Variants in RASGRF1 observed in about 807,000 individuals in gnomAD.
The protein encoded by RASGRF1 is Ras protein specific guanine nucleotide releasing factor 1.
A neutral mutation model predicts 138.7 loss-of-function variants in RASGRF1; 40 were observed. That is an observed-to-expected ratio of 0.29 (90% confidence interval 0.22 to 0.38). The LOEUF (loss-of-function observed/expected upper bound fraction) is 0.38. RASGRF1 is among the 10% of genes least tolerant of loss of function. The pLI is 1.00. For synonymous variants in RASGRF1, 614 were observed against 663.2 expected (o/e 0.93, Z 1.14); for missense variants, 1,108 against 1,650.4 (o/e 0.67, Z 5.69).
chr15:79,077,812 C>G lies in RASGRF1; in HGVS notation c.276+12411G>C, dbSNP rs549653620. Among the ~76,000 whole-genome samples, 16 of 151,832 alleles carry G rather than the reference C, an allele frequency of 1.1e-4. No homozygotes were observed. The South Asian group carries it at 3.3e-3, about 32-fold the overall frequency. On this transcript the variant is annotated intron_variant, in intron 1 of 26. Transcript: ENST00000558480. ...ACCCACCTGGACCATCAAACAGTCC[C>G]CTCTGATCTCCTTGCCCCCTCCAAT... is the stretch of plus-strand genomic sequence containing the variant.
At chr15:79,001,592 G>T in intron 16 of RASGRF1, 70 bp downstream of exon 16, 1 of 1,533,376 alleles carries the variant, frequency 6.5e-7, no homozygotes, top group South Asian at 1.2e-5. Flanking sequence ...CACTTGCCTT[G>T]ACTCGACTTG....
chr15:79,069,494 G>T (rs561915163), intron 1 of RASGRF1, among the ~76,000 whole-genome samples: 1 of 152,174 alleles, frequency 6.6e-6, no homozygotes, highest in South Asian at 2.1e-4. Context: ...AGCCCTGGGA[G>T]TGAGGAATAT....
chr15:79,055,955 G>A (rs1365229564), intron 3 of RASGRF1, among the ~76,000 whole-genome samples: 1 of 152,178 alleles, frequency 6.6e-6, no homozygotes, highest in Non-Finnish European at 1.5e-5. Flanking sequence ...TCCTTATGGA[G>A]TTCCTGCCAG....
intron 25 of RASGRF1, 99 bp from the exon 26 acceptor site, chr15:78,972,033 C>T (rs2055770973): frequency 9.6e-7 from 1 of 1,043,576 alleles, no homozygotes; most frequent in South Asian, 1.3e-5. Flanking sequence ...AATCTGAAGT[C>T]AGCCTCTTAA....
At chr15:78,963,990 G>A (rs1271457637) in intron 26 of RASGRF1, among the ~76,000 whole-genome samples, 2 of 151,884 alleles carry the variant, frequency 1.3e-5, no homozygotes, top group Admixed American at 1.3e-4. Context: ...GTGAGCATGT[G>A]CAGGATCAAT....
chr15:79,025,494 AC>A lies in RASGRF1; in HGVS notation c.1382-21del, dbSNP rs2057034348. ...GGGAACCTGTGGGTGGAGGAGAGAG[AC>A]CCTGAGCCCATCTCCTGGGGTGACC... On this transcript the variant is annotated intron_variant, in intron 9 of 26. Transcript: ENST00000558480. 1 of 1,602,258 alleles carries A rather than the reference AC, an allele frequency of 6.2e-7. No homozygotes were observed. The highest frequency in any genetic ancestry group is 8.5e-7 in the Non-Finnish European group (1 of 1,173,084).
At chr15:78,983,581 C>A (rs750654743) in intron 23 of RASGRF1, among the ~76,000 whole-genome samples, 2 of 152,220 alleles carry the variant, frequency 1.3e-5, no homozygotes, top group South Asian at 4.1e-4. Context: ...AAGATGATGT[C>A]ATTCCCAAGA....
chr15:79,064,497 C>G lies in RASGRF1; in HGVS notation c.306G>C (p.Glu102Asp), dbSNP rs781006055. 6 of 1,614,096 alleles carry G rather than the reference C, an allele frequency of 3.7e-6. No individual in the cohort carries two copies. The Admixed American group carries it at 1.0e-4, about 27-fold the overall frequency. The change falls in exon 2 of 27, where the codon GAG becomes GAC. Residue 102 changes from glutamate to aspartate, a missense_variant. This residue lies in a region of RASGRF1 where 253 missense variants were observed against 329.5 expected (regional missense o/e 0.77). Coordinates refer to ENST00000558480, the MANE Select transcript of RASGRF1 (RefSeq NM_001145648.3). ...QHYFTVNFSHENQKALELRTE... is the reference protein window; with the variant it reads ...QHYFTVNFSHDNQKALELRTE... ...TCCTCAGCTCCAAGGCTTTCTGGTT[C>G]TCATGGCTGAAGTTCACCGTGAAGT... is the stretch of plus-strand genomic sequence containing the variant.
At chr15:79,062,337 C>T (rs1414218346) in intron 2 of RASGRF1, among the ~76,000 whole-genome samples, 3 of 152,182 alleles carry the variant, frequency 2.0e-5, no homozygotes, top group Non-Finnish European at 4.4e-5. Flanking sequence ...TTCTTCCTCA[C>T]TCAGTTTTAT....
intron 1 of RASGRF1, among the ~76,000 whole-genome samples, chr15:79,068,915 T>C (rs2057717361): frequency 6.6e-6 from 1 of 152,104 alleles, no homozygotes; most frequent in South Asian, 2.1e-4. Context: ...GACCTCTCCC[T>C]GGGCCCCAGG....
rs1342759913 is a variant in RASGRF1, at chr15:79,031,453, G to A, written c.1209C>T (p.His403=). ...CGTAGTCCAGGCTGTTGCGCTCAAC[G>A]TGCTCATGAGGCGTGTGGGCCAGGA... ...HELLAHTPHE[H]VERNSLDYAK... The change falls in exon 8 of 27, where the codon CAC becomes CAT. Residue 403 remains histidine, a synonymous_variant. Transcript: ENST00000558480. 7.4e-6 allele frequency: 12 copies of A among 1,613,584 alleles called. No individual in the cohort carries two copies. The highest frequency in any genetic ancestry group is 1.1e-5 in the South Asian group (1 of 90,942).
chr15:79,071,662 G>A (rs1355559766), intron 1 of RASGRF1, among the ~76,000 whole-genome samples: 1 of 151,852 alleles, frequency 6.6e-6, no homozygotes, highest in Non-Finnish European at 1.5e-5. Context: ...GAGCCACTGT[G>A]CCTGGCCCTC....
At chr15:79,051,893 G>A (rs2057436487) in intron 3 of RASGRF1, among the ~76,000 whole-genome samples, 1 of 152,204 alleles carries the variant, frequency 6.6e-6, no homozygotes, top group Non-Finnish European at 1.5e-5. Context: ...ATATCGGGAT[G>A]GTGGTGGGAG....
At chr15:79,089,511 G>A (rs540169300) in intron 1 of RASGRF1, among the ~76,000 whole-genome samples, 4 of 152,372 alleles carry the variant, frequency 2.6e-5, no homozygotes, top group Admixed American at 2.0e-4. Context: ...GCAGGGGGCG[G>A]GGGAGGAGAG....
chr15:79,072,763 C>G (rs2057779439), intron 1 of RASGRF1, among the ~76,000 whole-genome samples: 1 of 152,174 alleles, frequency 6.6e-6, no homozygotes, highest in African/African-American at 2.4e-5. Flanking sequence ...AGGCCAGAGA[C>G]AGATCCCTCC....
chr15:79,032,233 C>T lies in RASGRF1; in HGVS notation c.1042G>A (p.Ala348Thr), dbSNP rs2057150659. The T allele has an allele frequency of 6.2e-7, 1 of 1,614,080 alleles. No individual in the cohort carries two copies. Among genetic ancestry groups the T allele is most frequent in the East Asian group, 2.2e-5 (1 of 44,874 alleles). The change falls in exon 7 of 27, where the codon GCC becomes ACC. Residue 348 changes from alanine (A) to threonine (T), a missense_variant. By Grantham distance (58) the Ala-to-Thr change is moderately conservative (BLOSUM62 0). Around this residue, in one of 3 missense-constraint regions of RASGRF1, gnomAD observed 169 missense variants for 344.2 expected, o/e 0.49. Transcript: ENST00000558480. This position sits in a 1 kb window ranked among gnomAD's most constrained non-coding sequence, Gnocchi z 4.5. ...RNHQYSLQIL[A>T]HCKQNRDFDK... ...AAGTCACGGTTCTGCTTGCAGTGGG[C>T]CAGGATCTGCAGGCTGTACTGGTGG...
At chr15:79,075,487 C>A (rs1283539393) in intron 1 of RASGRF1, among the ~76,000 whole-genome samples, 1 of 152,212 alleles carries the variant, frequency 6.6e-6, no homozygotes, top group Non-Finnish European at 1.5e-5. Context: ...CCAGGTCAGT[C>A]TGGAGCTGGA....
chr15:79,003,256 C>T (rs768090859), intron 15 of RASGRF1, among the ~76,000 whole-genome samples: 43 of 152,244 alleles, frequency 2.8e-4, no homozygotes, highest in Non-Finnish European at 5.0e-4. Flanking sequence ...AACAGTTCTT[C>T]CGGGAAGCCT....
At chr15:78,989,245 A>G (rs552490986) in intron 22 of RASGRF1, among the ~76,000 whole-genome samples, 1 of 152,154 alleles carries the variant, frequency 6.6e-6, no homozygotes, top group Non-Finnish European at 1.5e-5. Flanking sequence ...TTAGTGTGCC[A>G]ATCAGAGTCA....
Sources: allele counts gnomAD v4.1 joint callset (sites outside exome capture counted in the v4.1 genomes callset), GRCh38; gene constraint gnomAD v4.1.1; regional missense constraint gnomAD v4.1.1; non-coding constraint Gnocchi (gnomAD v3.1); transcripts MANE v1.5; gene names NCBI Gene and HGNC (gene_info 2026-07-23, HGNC 2026-07-21).